Variants in MRPL34 observed in about 807,000 individuals in gnomAD.
MRPL34 encodes large ribosomal subunit protein bL34m.
MRPL34 carries 8 observed loss-of-function variants against 6.7 expected under a neutral mutation model. The ratio of observed to expected loss-of-function variants is 1.20; its 90% CI spans 0.70 to 2.16. The LOEUF is 2.16. MRPL34 is among the 30% of genes most tolerant of loss of function. The probability of loss-of-function intolerance (pLI) is 0.00; values close to 1 mark genes in which losing one functional copy is unlikely to be tolerated. For synonymous variants in MRPL34, 59 were observed against 55.1 expected (o/e 1.07, Z -0.31); for missense variants, 146 against 125.5 (o/e 1.16, Z -0.78).
At chr19:17,303,834 C>T (rs1416062209), upstream of MRPL34, among the ~76,000 whole-genome samples, 1 of 152,146 alleles carries the variant, frequency 6.6e-6, no homozygotes, top group Non-Finnish European at 1.5e-5. Context: ...TTCCAATCTC[C>T]GGTGGGGAAA....
At position 17,306,175 on chromosome 19, in the gene MRPL34, GC is replaced by G; in HGVS notation, c.79del (p.Arg27GlyfsTer44). ...AALLGGRWLQ[P>X]RAWLGFPDAW... ...CCCTCTACCCACGCAGGTGGCTCCA[GC>G]CCCGGGCCTGGCTGGGGTTCCCAGA... On this transcript the variant is annotated frameshift_variant, in exon 2 of 2. Coordinates refer to ENST00000252602, the MANE Select transcript of MRPL34 (RefSeq NM_023937.4). LOFTEE classifies it high-confidence loss of function. 2.0e-6 allele frequency: 3 copies of G among 1,529,932 alleles called. No individual in the cohort carries two copies. The highest frequency in any genetic ancestry group is 2.6e-6 in the Non-Finnish European group (3 of 1,141,466). 94.8% of individuals were successfully genotyped at this position (1,529,932 alleles called of 1,614,324 possible). A position where few individuals can be genotyped will look rare whatever the true frequency, so the allele number is the denominator to read the frequency against.
In MRPL34 at chr19:17,297,453, A is replaced by G. The variant is rs184906204; in HGVS notation, c.214+4599A>G. Among the ~76,000 whole-genome samples, 163 of 151,732 alleles carry G rather than the reference A, an allele frequency of 1.1e-3. 1 individual carries two copies. Among genetic ancestry groups the G allele is most frequent in the Non-Finnish European group, 1.7e-3 (113 of 67,894 alleles). ...TGGGATTATAGGCACCTGCAACCAT[A>G]CCCAGCTACTTTTTGTATTTTTATT... On this transcript the variant is annotated intron_variant, in intron 1 of 2. Transcript: ENST00000595444.
intron 1 of MRPL34, among the ~76,000 whole-genome samples, chr19:17,297,099 A>G (rs987989714): frequency 6.6e-6 from 1 of 152,264 alleles, no homozygotes; most frequent in African/African-American, 2.4e-5. Context: ...AATGTTTGCC[A>G]GCCCCTGCTG....
upstream of MRPL34, among the ~76,000 whole-genome samples, chr19:17,302,586 C>A (rs1295325245): frequency 6.6e-6 from 1 of 152,140 alleles, no homozygotes; most frequent in South Asian, 2.1e-4. Context: ...TCCCCTAGAC[C>A]GGGGTGAGCC....
upstream of MRPL34, among the ~76,000 whole-genome samples, chr19:17,300,667 G>A (rs1180970171): frequency 6.6e-6 from 1 of 152,076 alleles, no homozygotes; most frequent in Admixed American, 6.6e-5. Context: ...TGGTAGAGAC[G>A]GGGTTTCACC....
chr19:17,294,730 T>C (rs752006334), intron 1 of MRPL34: 7 of 1,613,966 alleles, frequency 4.3e-6, no homozygotes, highest in Non-Finnish European at 5.9e-6. Context: ...CAGGTGGGCA[T>C]GTTGAAGATT....
chr19:17,305,765 T>A, upstream of MRPL34: 1 of 952,086 alleles, frequency 1.1e-6, no homozygotes, highest in Middle Eastern at 2.1e-4. Context: ...AACTTCAGGG[T>A]TTTCCCCAAC....
At chr19:17,299,244 C>CG (rs954817387), upstream of MRPL34, among the ~76,000 whole-genome samples, 354 of 148,164 alleles carry the variant, frequency 2.4e-3, 1 homozygote, top group African/African-American at 8.6e-3. Context: ...ACCCCCCCCC[C>CG]ATTCTCTATA....
rs752741313 is a variant in MRPL34 at position 17,306,308 on chromosome 19, C to T, written c.208C>T (p.Leu70=). The T allele has an allele frequency of 2.8e-5, 45 of 1,610,414 alleles. No individual in the cohort carries two copies. Among genetic ancestry groups the T allele is most frequent in the Middle Eastern group, 1.8e-4 (1 of 5,700 alleles). ...GAACAAGCACGGCTGGGTCCGGCGC[C>T]TGAGCACGCCGGCCGGCGTGCAGGT... ...RKNKHGWVRR[L]STPAGVQVIL... Residue 70 remains leucine, a synonymous_variant, in exon 2 of 2, where the codon CTG becomes TTG. Coordinates refer to ENST00000252602, the MANE Select transcript of MRPL34 (RefSeq NM_023937.4).
rs777034090 is a variant in MRPL34, at chr19:17,292,898, G to A, written c.214+44G>A. On this transcript the variant is annotated intron_variant, in intron 1 of 2. Coordinates refer to the MRPL34 transcript ENST00000595444. ...GTGGAGAGAGGCCAGGCTTCCCTGG[G>A]ACTCCGCCATACACACATGGCCCAC... is the stretch of plus-strand genomic sequence containing the variant. 19 of 1,533,152 alleles carry A rather than the reference G, an allele frequency of 1.2e-5. No individual in the cohort carries two copies. In the South Asian group the frequency reaches 2.2e-4, roughly 18 times the overall value. 95.0% of individuals were successfully genotyped at this position (1,533,152 alleles called of 1,614,324 possible). A position where few individuals can be genotyped will look rare whatever the true frequency, so the allele number is the denominator to read the frequency against.
At chr19:17,301,398 G>A (rs147441347), upstream of MRPL34, 873 of 1,611,862 alleles carry the variant, frequency 5.4e-4, 4 homozygotes, top group African/African-American at 0.01. Context: ...GGACCAAGCC[G>A]GAGAGGTCCC....
upstream of MRPL34, among the ~76,000 whole-genome samples, chr19:17,300,020 TC>T (rs1467476378): frequency 6.6e-6 from 1 of 150,988 alleles, no homozygotes; most frequent in Non-Finnish European, 1.5e-5. Flanking sequence ...TTCTCCTGCC[TC>T]AGCCTCCCGA....
At chr19:17,301,168 C>T (rs989023450), upstream of MRPL34, 6 of 1,606,992 alleles carry the variant, frequency 3.7e-6, no homozygotes, top group African/African-American at 1.3e-5. Flanking sequence ...GCGCCTGGCT[C>T]GCCGCCGCCG....
upstream of MRPL34, chr19:17,303,501 T>A (rs924308552): frequency 6.6e-6 from 1 of 152,290 alleles, no homozygotes; most frequent in Non-Finnish European, 1.5e-5. Context: ...CGGACTGACC[T>A]GGCCTAGTTA....
In MRPL34 at chr19:17,295,998, G is replaced by A. The variant is rs578259763; in HGVS notation, c.214+3144G>A. Among the ~76,000 whole-genome samples the A allele has an allele frequency of 4.6e-5, 7 of 150,614 alleles. No homozygotes were observed. In the South Asian group the frequency reaches 8.4e-4, roughly 18 times the overall value. ...AGTGCTGGGATTATAGGCGTGAGCCGTGACACCCGGCCTGGTGAGGGGGTT... is the reference window on the plus strand; with the variant it reads ...AGTGCTGGGATTATAGGCGTGAGCCATGACACCCGGCCTGGTGAGGGGGTT... On this transcript the variant is annotated intron_variant, in intron 1 of 2. Coordinates refer to the MRPL34 transcript ENST00000595444.
chr19:17,292,605 C>T (rs113634768), upstream of MRPL34: 11 of 1,526,020 alleles, frequency 7.2e-6, no homozygotes, highest in African/African-American at 1.1e-4. Flanking sequence ...GGCGCAGGCT[C>T]GGGCCTCCTC....
intron 1 of MRPL34, chr19:17,294,202 C>T (rs2074083059): frequency 6.8e-7 from 1 of 1,477,740 alleles, no homozygotes; most frequent in Non-Finnish European, 9.0e-7. Flanking sequence ...CCACCAAGCG[C>T]TACCACGCCC....
rs558325863 is a variant in MRPL34, at chr19:17,306,595, A to G, written c.*216A>G. The G allele has an allele frequency of 2.9e-5, 15 of 509,966 alleles. No homozygotes were observed. The highest frequency in any genetic ancestry group is 2.4e-4 in the African/African-American group (12 of 50,194). The allele number at this position is 509,966 out of a possible 1,614,324, so 31.6% of individuals were successfully genotyped here. ...GAACCTGCGCAACAGACCAAAGAACAGTACAAAGAACATCCGTGTACCCAG... is the reference window on the plus strand; with the variant it reads ...GAACCTGCGCAACAGACCAAAGAACGGTACAAAGAACATCCGTGTACCCAG... On this transcript the variant is annotated 3_prime_UTR_variant, in exon 2 of 2. Transcript: ENST00000252602.
upstream of MRPL34, chr19:17,305,783 T>G (rs1376685358): frequency 3.7e-6 from 4 of 1,080,268 alleles, no homozygotes; most frequent in African/African-American, 1.5e-4. Flanking sequence ...AACGGCCTCT[T>G]TTTTGCACGT....
Sources: allele counts gnomAD v4.1 joint callset (sites outside exome capture counted in the v4.1 genomes callset), GRCh38; gene constraint gnomAD v4.1.1; transcripts MANE v1.5; gene names NCBI Gene and HGNC (gene_info 2026-07-23, HGNC 2026-07-21).